FHIT: variants seen among roughly 807,000 people sequenced by gnomAD.
FHIT encodes the protein fragile histidine triad diadenosine triphosphatase.
FHIT carries 19 observed loss-of-function variants against 17.9 expected under a neutral mutation model. The observed-to-expected ratio is 1.06, with a 90% CI of 0.74 to 1.56. The LOEUF is 1.56. Ranked by LOEUF, FHIT falls within the 40% of genes most tolerant of loss-of-function variation. The pLI is 0.00. For missense variants in FHIT, 248 were observed against 189.2 expected (o/e 1.31, Z -1.82); for synonymous variants, 81 against 69.7 (o/e 1.16, Z -0.81).
intron 3 of FHIT, among the ~76,000 whole-genome samples, chr3:60,965,746 G>GA (rs1709703765): frequency 6.6e-6 from 1 of 152,206 alleles, no homozygotes; most frequent in East Asian, 1.9e-4. Flanking sequence ...GGAGGCTGCA[G>GA]AACAGCAAAT....
At chr3:60,821,883 C>T (rs561439341) in intron 4 of FHIT, 36 bp downstream of exon 4, 2 of 152,078 alleles carry the variant, frequency 1.3e-5, no homozygotes, top group South Asian at 2.1e-4. Flanking sequence ...TTATTTCAAA[C>T]TCTTTGAAAA....
intron 5 of FHIT, among the ~76,000 whole-genome samples, chr3:60,392,049 G>C (rs979200037): frequency 1.3e-5 from 2 of 151,842 alleles, no homozygotes; most frequent in African/African-American, 4.8e-5. Flanking sequence ...ACATTATGCA[G>C]AGGCTTCAAT....
At chr3:60,801,505 C>A (rs1701185429) in intron 4 of FHIT, among the ~76,000 whole-genome samples, 1 of 152,242 alleles carries the variant, frequency 6.6e-6, no homozygotes. Flanking sequence ...GAAGCCCTAC[C>A]AGTGGGGGCT....
At chr3:60,159,327 C>T (rs774756743) in intron 5 of FHIT, among the ~76,000 whole-genome samples, 13 of 152,022 alleles carry the variant, frequency 8.6e-5, no homozygotes, top group Non-Finnish European at 1.8e-4. Flanking sequence ...TGCCATGTTA[C>T]CCAGGCTGGT....
intron 5 of FHIT, among the ~76,000 whole-genome samples, chr3:60,024,188 A>C (rs1342452574): frequency 1.3e-5 from 2 of 152,194 alleles, no homozygotes; most frequent in Admixed American, 6.6e-5. Context: ...TTTTAATAAC[A>C]ATGAGGAACC....
chr3:59,911,067 T>C (rs1232535010), intron 8 of FHIT, among the ~76,000 whole-genome samples: 2 of 152,222 alleles, frequency 1.3e-5, no homozygotes, highest in Non-Finnish European at 1.5e-5. Flanking sequence ...TTACTAATGA[T>C]AAATCATGGT....
At chr3:59,752,149 C>T (rs1700944010) in intron 9 of FHIT, 72 bp downstream of exon 9, 1 of 1,072,392 alleles carries the variant, frequency 9.3e-7, no homozygotes. Context: ...TTGTGCATCC[C>T]CATTCTGAGA....
intron 2 of FHIT, among the ~76,000 whole-genome samples, chr3:61,144,381 C>G (rs1330314607): frequency 6.6e-6 from 1 of 152,184 alleles, no homozygotes. Flanking sequence ...CACTTCATTA[C>G]TAATTATGGC....
chr3:61,134,833 A>G (rs2036867514), intron 2 of FHIT, among the ~76,000 whole-genome samples: 3 of 152,148 alleles, frequency 2.0e-5, no homozygotes, highest in Non-Finnish European at 2.9e-5. Context: ...TGCCTCCAGA[A>G]CTGTTCACCT....
chr3:59,762,352 T>C (rs1490862620), intron 8 of FHIT, among the ~76,000 whole-genome samples: 2 of 152,166 alleles, frequency 1.3e-5, no homozygotes, highest in Non-Finnish European at 2.9e-5. Flanking sequence ...TCAATAAGCA[T>C]TGGTCAAATA....
chr3:60,513,710 G>A (rs555991499), intron 5 of FHIT, among the ~76,000 whole-genome samples: 2 of 152,086 alleles, frequency 1.3e-5, no homozygotes, highest in Non-Finnish European at 2.9e-5. Context: ...GATATGGACA[G>A]GAAGCAGGAG....
chr3:60,354,603 T>G (rs940228139), intron 5 of FHIT, among the ~76,000 whole-genome samples: 19 of 148,402 alleles, frequency 1.3e-4, no homozygotes, highest in Middle Eastern at 3.5e-3. Context: ...TTCAAATATT[T>G]TAGTGTTATT....
In FHIT at chr3:60,329,606, G is replaced by A. The variant is rs932419418; in HGVS notation, c.103+207254C>T. Among the ~76,000 whole-genome samples, 14 of 152,318 alleles carry A rather than the reference G, an allele frequency of 9.2e-5. No homozygotes were observed. In the East Asian group the frequency reaches 1.9e-3, roughly 21 times the overall value. ...GGGTTAAGATTTGGAAAAGAAGTTAGGTGAGTAACTAGCAGCAGAAAGCCA... is the reference window on the plus strand; with the variant it reads ...GGGTTAAGATTTGGAAAAGAAGTTAAGTGAGTAACTAGCAGCAGAAAGCCA... On this transcript the variant is annotated intron_variant, in intron 5 of 9. Transcript: ENST00000492590.
At chr3:61,172,999 G>T (rs1455800928) in intron 2 of FHIT, among the ~76,000 whole-genome samples, 1 of 152,204 alleles carries the variant, frequency 6.6e-6, no homozygotes, top group Non-Finnish European at 1.5e-5. Flanking sequence ...AAACAGGGCA[G>T]CAACTATTCT....
intron 5 of FHIT, among the ~76,000 whole-genome samples, chr3:60,446,263 G>A (rs1368289970): frequency 6.6e-6 from 1 of 152,134 alleles, no homozygotes; most frequent in Non-Finnish European, 1.5e-5. Flanking sequence ...CTTTCTTGAT[G>A]TGTCTGAGGA....
At chr3:59,997,967 G>C (rs1159523843) in intron 7 of FHIT, among the ~76,000 whole-genome samples, 1 of 152,068 alleles carries the variant, frequency 6.6e-6, no homozygotes, top group Non-Finnish European at 1.5e-5. Context: ...GCAAAATTTA[G>C]TCAGGTTTCA....
chr3:59,759,613 C>T (rs1701400236), intron 8 of FHIT, among the ~76,000 whole-genome samples: 1 of 152,204 alleles, frequency 6.6e-6, no homozygotes, highest in Non-Finnish European at 1.5e-5. Context: ...CTATCATTCA[C>T]TTCTCAAAGT....
intron 3 of FHIT, among the ~76,000 whole-genome samples, chr3:60,942,554 T>C (rs1203580246): frequency 6.6e-6 from 1 of 152,166 alleles, no homozygotes; most frequent in Admixed American, 6.5e-5. Context: ...TAATACTGTT[T>C]GTATTTCTCT....
chr3:59,813,266 C>T (rs1237522754), intron 8 of FHIT, among the ~76,000 whole-genome samples: 4 of 152,160 alleles, frequency 2.6e-5, no homozygotes, highest in Admixed American at 6.5e-5. Flanking sequence ...GCACTGTCAA[C>T]CTTATTTTAT....
Sources: allele counts gnomAD v4.1 joint callset (sites outside exome capture counted in the v4.1 genomes callset), GRCh38; gene constraint gnomAD v4.1.1; transcripts MANE v1.5; gene names NCBI Gene and HGNC (gene_info 2026-07-23, HGNC 2026-07-21).